SDK1: variants seen among roughly 807,000 people sequenced by gnomAD.
The protein encoded by SDK1 is sidekick cell adhesion molecule 1.
A neutral mutation model predicts 245.5 loss-of-function variants in SDK1; 157 were observed. The observed-to-expected ratio is 0.64, with a 90% CI of 0.56 to 0.73. SDK1 has a LOEUF of 0.73. Among genes scored for constraint, SDK1 ranks in the 30% least tolerant of loss-of-function variants. The pLI, the probability that SDK1 is intolerant of heterozygous loss-of-function variation, is 0.00. For missense variants in SDK1, 3,583 were observed against 3,002.3 expected (o/e 1.19, Z -4.52); for synonymous variants, 1,647 against 1,278.5 (o/e 1.29, Z -6.15).
In SDK1 at chr7:3,962,611, G is replaced by A. The variant is rs141647689; in HGVS notation, c.1235-46G>A. The A allele has an allele frequency of 2.8e-3, 4,175 of 1,467,146 alleles. 8 individuals carry two copies. The highest frequency in any genetic ancestry group is 3.5e-3 in the Non-Finnish European group (3,763 of 1,078,470). 90.9% of individuals were successfully genotyped at this position (1,467,146 alleles called of 1,614,324 possible). A position where few individuals can be genotyped will look rare whatever the true frequency, so the allele number is the denominator to read the frequency against. ...GAAACAGATGTGCTTCAGTTCTCACGTCAGGAATTATTTTTAAAATCCTAT... is the reference window on the plus strand; with the variant it reads ...GAAACAGATGTGCTTCAGTTCTCACATCAGGAATTATTTTTAAAATCCTAT... On this transcript the variant is annotated intron_variant, in intron 8 of 44. Transcript: ENST00000404826.
chr7:3,484,709 C>T (rs575678859), intron 1 of SDK1, among the ~76,000 whole-genome samples: 1 of 152,292 alleles, frequency 6.6e-6, no homozygotes, highest in African/African-American at 2.4e-5. Context: ...CACTCACTAC[C>T]TCCACAAGAT....
intron 43 of SDK1, 100 bp downstream of exon 43, chr7:4,242,013 G>A: frequency 1.4e-6 from 2 of 1,444,394 alleles, no homozygotes; most frequent in Non-Finnish European, 1.9e-6. Flanking sequence ...CCCGCCCTGT[G>A]GTTCCAGGAA....
At chr7:4,064,685 A>G (rs552988044) in intron 19 of SDK1, among the ~76,000 whole-genome samples, 52 of 152,316 alleles carry the variant, frequency 3.4e-4, no homozygotes, top group Non-Finnish European at 5.9e-4. Flanking sequence ...AGACCAACGG[A>G]TAAGAAAATG....
intron 1 of SDK1, among the ~76,000 whole-genome samples, chr7:3,379,972 T>G (rs1392825234): frequency 1.3e-5 from 2 of 152,202 alleles, no homozygotes; most frequent in African/African-American, 4.8e-5. Context: ...TCTCTGGTCC[T>G]GAACCTTTCA....
chr7:3,710,521 C>A (rs1187109036), intron 4 of SDK1, among the ~76,000 whole-genome samples: 1 of 152,204 alleles, frequency 6.6e-6, no homozygotes, highest in African/African-American at 2.4e-5. Flanking sequence ...AGGGAAAAAT[C>A]TCCTGTTTTC....
intron 7 of SDK1, among the ~76,000 whole-genome samples, chr7:3,957,172 G>T (rs1562570738): frequency 6.6e-6 from 1 of 152,162 alleles, no homozygotes; most frequent in Non-Finnish European, 1.5e-5. Context: ...TGAGGGGTGG[G>T]GGTTTGGGGT....
intron 3 of SDK1, among the ~76,000 whole-genome samples, chr7:3,639,842 T>TAA (rs148865351): frequency 0.033 from 4,958 of 151,616 alleles, 237 homozygotes; most frequent in African/African-American, 0.11. Context: ...CATATATATG[T>TAA]TATATATATA....
intron 1 of SDK1, among the ~76,000 whole-genome samples, chr7:3,510,869 G>A (rs1012797794): frequency 2.0e-5 from 3 of 152,188 alleles, no homozygotes; most frequent in Non-Finnish European, 2.9e-5. Flanking sequence ...AGGTGTTTCT[G>A]TCTGCTGGCC....
At chr7:3,674,774 A>T (rs1783837077) in intron 4 of SDK1, among the ~76,000 whole-genome samples, 1 of 152,178 alleles carries the variant, frequency 6.6e-6, no homozygotes, top group Admixed American at 6.5e-5. Context: ...CAGGTGACCA[A>T]CATGACGTCT....
At chr7:3,512,831 C>T (rs13227438) in intron 1 of SDK1, among the ~76,000 whole-genome samples, 9,844 of 152,008 alleles carry the variant, frequency 0.065, 441 homozygotes, top group East Asian at 0.21. Context: ...TTTAACGTCA[C>T]GATGAAATCT....
At position 4,077,001 on chromosome 7, in the gene SDK1, A is replaced by G. The variant is rs776837813; in HGVS notation, c.3014A>G (p.Tyr1005Cys). The change falls in exon 21 of 45, where the codon TAT becomes TGT. Residue 1005 changes from tyrosine (Y) to cysteine (C), a missense_variant. Coordinates refer to ENST00000404826, the MANE Select transcript of SDK1 (RefSeq NM_152744.4). ...PLEKNGIITGYQISWEVYGRN... is the reference protein window; with the variant it reads ...PLEKNGIITGCQISWEVYGRN... ...GTCTGGTCCTGTTGCTTTCTAGGCT[A>G]TCAGATCTCTTGGGAAGTGTACGGC... 2 of 1,613,836 alleles carry G rather than the reference A, an allele frequency of 1.2e-6. No individual in the cohort carries two copies. The highest frequency in any genetic ancestry group is 2.2e-5 in the East Asian group (1 of 44,870).
chr7:3,749,762 T>C (rs1250247928), intron 4 of SDK1, among the ~76,000 whole-genome samples: 4 of 152,196 alleles, frequency 2.6e-5, no homozygotes, highest in African/African-American at 9.7e-5. Context: ...CATTCTAGTG[T>C]TCTGGTCTCC....
chr7:4,220,321 G>T (rs13224192), intron 39 of SDK1, 51 bp downstream of exon 39: 826,866 of 1,567,586 alleles, frequency 0.53, 222,932 homozygotes, highest in African/African-American at 0.64. Flanking sequence ...TTAGCCTCCC[G>T]CCTCCTGCTT....
chr7:3,876,738 G>A (rs1781086907), intron 5 of SDK1, among the ~76,000 whole-genome samples: 1 of 152,104 alleles, frequency 6.6e-6, no homozygotes, highest in Admixed American at 6.5e-5. Context: ...TGACACAGTG[G>A]CACTTTTAAT....
intron 22 of SDK1, among the ~76,000 whole-genome samples, chr7:4,099,736 C>A (rs933429631): frequency 6.8e-6 from 1 of 148,054 alleles, no homozygotes; most frequent in Non-Finnish European, 1.5e-5. Context: ...CAGGGCCAAG[C>A]AGGCACAGAG....
At chr7:3,453,286 T>C (rs2128592308) in intron 1 of SDK1, among the ~76,000 whole-genome samples, 1 of 152,282 alleles carries the variant, frequency 6.6e-6, no homozygotes, top group Middle Eastern at 3.4e-3. Context: ...ATCACTGGCT[T>C]GTAAGGGATG....
Position 4,175,803 on chromosome 7 carries a change from C to G in SDK1, c.4965C>G (p.Ser1655Arg). The change falls in exon 34 of 45, where the codon AGC becomes AGG. Residue 1655 changes from serine to arginine, a missense_variant. By Grantham distance (110) the Ser-to-Arg change is moderately radical. Transcript: ENST00000404826. ...TAQSSFKTVN[S>R]SSTSTMCELT... ...AAAGCAGCTTCAAGACGGTGAACAG[C>G]AGCTCCACATCGACGATGTGTGAAC... 6.2e-7 allele frequency: 1 copy of G among 1,613,868 alleles called. No homozygotes were observed. The highest frequency in any genetic ancestry group is 1.3e-5 in the African/African-American group (1 of 75,068).
chr7:3,630,883 C>T (rs1237346265), intron 2 of SDK1, among the ~76,000 whole-genome samples: 4 of 151,986 alleles, frequency 2.6e-5, no homozygotes, highest in Admixed American at 6.5e-5. Context: ...AGACAAATTA[C>T]ATAACTAAAA....
chr7:3,328,432 T>A (rs959386961), intron 1 of SDK1, among the ~76,000 whole-genome samples: 1 of 152,058 alleles, frequency 6.6e-6, no homozygotes, highest in African/African-American at 2.4e-5. Flanking sequence ...CTAGTTCAGA[T>A]GATCTGGGTT....
Sources: gnomAD v4.1 joint callset for allele counts (sites outside exome capture counted in the v4.1 genomes callset) on GRCh38, gnomAD v4.1.1 for gene constraint, MANE v1.5 for transcripts, NCBI Gene and HGNC (gene_info 2026-07-23, HGNC 2026-07-21) for gene names.